Variants in FAM13A observed in about 807,000 individuals in gnomAD.
FAM13A encodes protein FAM13A.
Under a neutral mutation model 129.6 loss-of-function variants are expected in FAM13A, and 76 were observed. The ratio of observed to expected loss-of-function variants is 0.59; its 90% CI spans 0.49 to 0.71. The LOEUF is 0.71. Among genes scored for constraint, FAM13A ranks in the 30% least tolerant of loss-of-function variants. FAM13A has a pLI of 0.00. For missense variants in FAM13A, 1,108 were observed against 1,249.3 expected, an observed-to-expected ratio of 0.89 and a Z score of 1.70; for synonymous variants, 443 against 449.9, an observed-to-expected ratio of 0.98 and a Z score of 0.20.
chr4:89,014,228 T>G (rs1007918204), intron 3 of FAM13A, among the ~76,000 whole-genome samples: 1 of 152,206 alleles, frequency 6.6e-6, no homozygotes, highest in African/African-American at 2.4e-5. Flanking sequence ...GCCTACCGTA[T>G]TTGCCATTGA....
At chr4:88,745,926 G>A (rs1741234907) in intron 19 of FAM13A, among the ~76,000 whole-genome samples, 1 of 151,400 alleles carries the variant, frequency 6.6e-6, no homozygotes, top group Non-Finnish European at 1.5e-5. Context: ...TCTACAGATA[G>A]TTATTGGGCC....
intron 4 of FAM13A, among the ~76,000 whole-genome samples, chr4:88,964,573 A>G (rs1759089322): frequency 6.6e-6 from 1 of 151,748 alleles, no homozygotes; most frequent in African/African-American, 2.4e-5. Flanking sequence ...TCACCACACT[A>G]GCACATAATG....
chr4:89,025,772 G>C (rs1767893769), intron 2 of FAM13A, among the ~76,000 whole-genome samples: 1 of 152,154 alleles, frequency 6.6e-6, no homozygotes, highest in Non-Finnish European at 1.5e-5. Flanking sequence ...TGCAATATTT[G>C]TGATAAAAGG....
intron 8 of FAM13A, among the ~76,000 whole-genome samples, chr4:88,800,313 A>G (rs1442882496): frequency 2.0e-5 from 3 of 152,216 alleles, no homozygotes; most frequent in Admixed American, 2.0e-4. Flanking sequence ...ACCTTTGTTT[A>G]TATTTTACCA....
At position 89,057,101 on chromosome 4, in the gene FAM13A, G is replaced by A. The variant is rs954132188; in HGVS notation, c.-137C>T. Reference sequence around the variant, plus strand: ...CCAATGCAAAGGCCCCAAGGTAAGCGAAGAGCAGCTTCTAACATTTTAGGA... The same window carrying A: ...CCAATGCAAAGGCCCCAAGGTAAGCAAAGAGCAGCTTCTAACATTTTAGGA... On this transcript the variant is annotated 5_prime_UTR_variant, in exon 1 of 24. Transcript: ENST00000264344. 20 of 1,489,704 alleles carry A rather than the reference G, an allele frequency of 1.3e-5. No individual in the cohort carries two copies. Among genetic ancestry groups the A allele is most frequent in the Non-Finnish European group, 1.6e-5 (18 of 1,123,122 alleles). 92.3% of individuals were successfully genotyped at this position (1,489,704 alleles called of 1,614,324 possible). A position where few individuals can be genotyped will look rare whatever the true frequency, so the allele number is the denominator to read the frequency against.
intron 4 of FAM13A, among the ~76,000 whole-genome samples, chr4:88,941,680 G>A (rs1033694844): frequency 2.0e-5 from 3 of 152,158 alleles, no homozygotes; most frequent in African/African-American, 2.4e-5. Flanking sequence ...TTTAAGTGGT[G>A]GGGGGTGGGT....
chr4:89,025,241 CATT>C (rs1368087654), intron 2 of FAM13A, among the ~76,000 whole-genome samples: 4 of 84,104 alleles, frequency 4.8e-5, no homozygotes, highest in Admixed American at 2.6e-4. Flanking sequence ...ACCATGGAAT[CATT>C]GTTTTTTTTT....
At chr4:88,838,692 A>C (rs1006980945) in intron 7 of FAM13A, among the ~76,000 whole-genome samples, 7 of 151,524 alleles carry the variant, frequency 4.6e-5, no homozygotes, top group Non-Finnish European at 8.8e-5. Context: ...GTGCCGCTGC[A>C]CTCCAGCCTG....
rs115174995 is a variant in FAM13A, at chr4:88,741,845, A to G, written c.2467-2720T>C. 4.3e-3 allele frequency among the ~76,000 whole-genome samples: 661 copies of G among 152,312 alleles called. 10 individuals are homozygous for G. The highest frequency in any genetic ancestry group is 0.015 in the African/African-American group (628 of 41,556). On this transcript the variant is annotated intron_variant, in intron 19 of 23. Coordinates refer to ENST00000264344, the MANE Select transcript of FAM13A (RefSeq NM_014883.4). ...TGGTCCCAAGCATTTCGTATAAGGG[A>G]TACTCAACCTGTACTTCAACAAAAG...
In FAM13A at chr4:88,728,395, C is replaced by T. The variant is rs913123002; in HGVS notation, c.*138G>A. On this transcript the variant is annotated 3_prime_UTR_variant, in exon 24 of 24. Coordinates refer to ENST00000264344, the MANE Select transcript of FAM13A (RefSeq NM_014883.4). ...TAAGGCAGGCAATGGAAACAGGAGC[C>T]GATGCCAAATGGTCTAGAGGCAGAA... 55 of 974,298 alleles carry T rather than the reference C, an allele frequency of 5.6e-5. No individual in the cohort carries two copies. The highest frequency in any genetic ancestry group is 4.8e-4 in the African/African-American group (29 of 60,748). The allele number at this position is 974,298 out of a possible 1,614,324, so 60.4% of individuals were successfully genotyped here. A position where few individuals can be genotyped will look rare whatever the true frequency, so the allele number is the denominator to read the frequency against.
At chr4:89,051,276 T>G (rs1055535771) in intron 1 of FAM13A, among the ~76,000 whole-genome samples, 2 of 152,186 alleles carry the variant, frequency 1.3e-5, no homozygotes, top group African/African-American at 4.8e-5. Flanking sequence ...AATGGCTATC[T>G]TTTTGCTGTT....
intron 7 of FAM13A, among the ~76,000 whole-genome samples, chr4:88,849,798 T>C (rs574674215): frequency 6.6e-6 from 1 of 152,296 alleles, no homozygotes; most frequent in Admixed American, 6.5e-5. Flanking sequence ...GTTCAACGAA[T>C]GAAAGAATGA....
chr4:88,812,504 T>C (rs1436404764), intron 7 of FAM13A, among the ~76,000 whole-genome samples: 1 of 152,198 alleles, frequency 6.6e-6, no homozygotes, highest in Non-Finnish European at 1.5e-5. Flanking sequence ...TTTGCAACTC[T>C]TTCCATTTGT....
rs375037548 is a variant in FAM13A at position 88,781,401 on chromosome 4, T to C, written c.1272-50A>G. On this transcript the variant is annotated intron_variant, in intron 10 of 23. Coordinates refer to ENST00000264344, the MANE Select transcript of FAM13A (RefSeq NM_014883.4). ...TTTATTTTAAAAGATCAAATGGTCA[T>C]TGAATGATACTCTAACTACATCATA... The C allele has an allele frequency of 5.3e-5, 69 of 1,308,746 alleles. No homozygotes were observed. The South Asian group carries it at 6.2e-4, about 12-fold the overall frequency. The allele number at this position is 1,308,746 out of a possible 1,614,324, so 81.1% of individuals were successfully genotyped here.
intron 3 of FAM13A, among the ~76,000 whole-genome samples, chr4:89,009,674 ATAG>A (rs1329352663): frequency 2.6e-5 from 4 of 152,232 alleles, no homozygotes; most frequent in African/African-American, 9.6e-5. Context: ...ACCATATATA[ATAG>A]TAAACTTCAG....
Position 88,823,379 on chromosome 4 carries a change from TTCCTCCTCCTCC to T in FAM13A, c.1008-18339_1008-18328del, listed in dbSNP as rs1732425301. 8.4e-6 allele frequency: 8 copies of T among 950,592 alleles called. No individual in the cohort carries two copies. In the South Asian group the frequency reaches 3.0e-4, roughly 36 times the overall value. 58.9% of individuals were successfully genotyped at this position (950,592 alleles called of 1,614,324 possible). Reference sequence around the variant, plus strand: ...TCCTCAATGGTCCCTCCTCCTCCTCTTCCTCCTCCTCCTTCTCTCCTCCTGCTCCTGCTCCTC... The same window carrying T: ...TCCTCAATGGTCCCTCCTCCTCCTCTTTCTCTCCTCCTGCTCCTGCTCCTC... On this transcript the variant is annotated intron_variant, in intron 7 of 23. Transcript: ENST00000264344.
chr4:88,933,964 G>A lies in FAM13A; in HGVS notation c.759+4124C>T, dbSNP rs554777886. On this transcript the variant is annotated intron_variant, in intron 5 of 23. Coordinates refer to ENST00000264344, the MANE Select transcript of FAM13A (RefSeq NM_014883.4). The stretch of plus-strand genomic sequence containing the variant: ...CTTGTTTCCTTTGTGGCCTCATTTC[G>A]TTTCAATTCCATCTTGCTCATGGTA... Among the ~76,000 whole-genome samples the A allele has an allele frequency of 1.8e-4, 27 of 152,118 alleles. 1 individual carries two copies. In the South Asian group the frequency reaches 4.4e-3, roughly 25 times the overall value.
chr4:88,768,959 G>A (rs1182965047), intron 11 of FAM13A, among the ~76,000 whole-genome samples: 2 of 152,134 alleles, frequency 1.3e-5, no homozygotes, highest in Non-Finnish European at 2.9e-5. Flanking sequence ...GAGAATATCT[G>A]AATTCAGCAA....
intron 6 of FAM13A, among the ~76,000 whole-genome samples, chr4:88,899,099 TACAC>T (rs1191635022): frequency 9.5e-5 from 14 of 147,658 alleles, no homozygotes; most frequent in Admixed American, 2.0e-4. Flanking sequence ...TATGTATATA[TACAC>T]ACACACATAC....
Sources: gnomAD v4.1 joint callset for allele counts (sites outside exome capture counted in the v4.1 genomes callset) on GRCh38, gnomAD v4.1.1 for gene constraint, MANE v1.5 for transcripts, NCBI Gene and HGNC (gene_info 2026-07-23, HGNC 2026-07-21) for gene names.